The following LDB2 variants were observed in gnomAD, a reference collection of about 807,000 sequenced individuals.
LDB2 encodes LIM domain-binding protein 2.
In LDB2, 12 loss-of-function variants were observed where a neutral mutation model predicts 44.3. The observed-to-expected ratio is 0.27, with a 90% CI of 0.17 to 0.44. The LOEUF is 0.44. Among genes scored for constraint, LDB2 ranks in the 20% least tolerant of loss-of-function variants. LDB2 has a pLI of 1.00. For missense variants in LDB2, 344 were observed against 473.5 expected (o/e 0.73, Z 2.54); for synonymous variants, 164 against 174.8 (o/e 0.94, Z 0.49).
At position 16,703,310 on chromosome 4, in the gene LDB2, A is replaced by G. The variant is rs532591386; in HGVS notation, c.235+55848T>C. 2.6e-5 allele frequency among the ~76,000 whole-genome samples: 4 copies of G among 152,338 alleles called. No homozygotes were observed. The East Asian group carries it at 7.7e-4, about 29-fold the overall frequency. ...AAGGCAGAGAAGAAGCCAGTCGTGGAAGGAGTTGGGGCAGAATGTTCCAGG... is the reference window on the plus strand; with the variant it reads ...AAGGCAGAGAAGAAGCCAGTCGTGGGAGGAGTTGGGGCAGAATGTTCCAGG... On this transcript the variant is annotated intron_variant, in intron 2 of 7. Transcript: ENST00000304523.
intron 1 of LDB2, among the ~76,000 whole-genome samples, chr4:16,882,597 T>C (rs768544425): frequency 6.6e-6 from 1 of 152,166 alleles, no homozygotes; most frequent in Non-Finnish European, 1.5e-5. Context: ...GGAAATACAA[T>C]GGAGTGAATT....
intron 1 of LDB2, among the ~76,000 whole-genome samples, chr4:16,890,841 T>C (rs1723165883): frequency 6.6e-6 from 1 of 152,100 alleles, no homozygotes; most frequent in Non-Finnish European, 1.5e-5. Flanking sequence ...GTAGCTAAAG[T>C]GGTCTGCAAG....
At chr4:16,564,385 A>G (rs1415033062) in intron 5 of LDB2, among the ~76,000 whole-genome samples, 2 of 152,134 alleles carry the variant, frequency 1.3e-5, no homozygotes, top group African/African-American at 4.8e-5. Context: ...ATAACAAACA[A>G]TCAAAAAATA....
At chr4:16,720,515 C>A (rs1402667101) in intron 2 of LDB2, among the ~76,000 whole-genome samples, 1 of 152,122 alleles carries the variant, frequency 6.6e-6, no homozygotes, top group Non-Finnish European at 1.5e-5. Context: ...CTGGTTGAAC[C>A]TTGACTGACA....
At chr4:16,868,453 A>C (rs933774425) in intron 1 of LDB2, among the ~76,000 whole-genome samples, 6 of 152,204 alleles carry the variant, frequency 3.9e-5, no homozygotes, top group Admixed American at 3.3e-4. Flanking sequence ...TCTTAATATC[A>C]GAGAGGTCAG....
At chr4:16,660,320 G>C (rs1172468005) in intron 2 of LDB2, among the ~76,000 whole-genome samples, 1 of 152,152 alleles carries the variant, frequency 6.6e-6, no homozygotes, top group Non-Finnish European at 1.5e-5. Context: ...TGGCCATCAA[G>C]GGGCCTTAGG....
At chr4:16,614,531 T>C (rs1468193970) in intron 2 of LDB2, among the ~76,000 whole-genome samples, 4 of 141,652 alleles carry the variant, frequency 2.8e-5, no homozygotes, top group Non-Finnish European at 6.0e-5. Context: ...CTGACAAAGG[T>C]CTAATATCCA....
chr4:16,886,384 A>C (rs1721699999), intron 1 of LDB2, among the ~76,000 whole-genome samples: 1 of 152,234 alleles, frequency 6.6e-6, no homozygotes, highest in Non-Finnish European at 1.5e-5. Flanking sequence ...AGGACACGGT[A>C]AAATACTCAT....
At chr4:16,539,735 A>G (rs1346589762) in intron 5 of LDB2, among the ~76,000 whole-genome samples, 1 of 152,124 alleles carries the variant, frequency 6.6e-6, no homozygotes, top group Non-Finnish European at 1.5e-5. Flanking sequence ...TCTCTTATCT[A>G]GTAAGACAAA....
intron 2 of LDB2, among the ~76,000 whole-genome samples, chr4:16,716,748 C>A (rs1488046003): frequency 2.6e-5 from 4 of 152,144 alleles, no homozygotes; most frequent in Non-Finnish European, 5.9e-5. Flanking sequence ...TTTCTCAGAA[C>A]ATGGATTGAA....
chr4:16,700,724 C>A (rs1045153822), intron 2 of LDB2, among the ~76,000 whole-genome samples: 3 of 152,174 alleles, frequency 2.0e-5, no homozygotes, highest in Non-Finnish European at 4.4e-5. Flanking sequence ...GAGGTGAGAA[C>A]AAAATCTCAC....
At chr4:16,600,352 T>G (rs1217430560) in intron 2 of LDB2, among the ~76,000 whole-genome samples, 2 of 152,096 alleles carry the variant, frequency 1.3e-5, no homozygotes, top group African/African-American at 2.4e-5. Context: ...TTTGTTGGAG[T>G]GAGATTAAGA....
intron 2 of LDB2, among the ~76,000 whole-genome samples, chr4:16,654,858 GT>G (rs1422676216): frequency 6.6e-6 from 1 of 152,052 alleles, no homozygotes; most frequent in Non-Finnish European, 1.5e-5. Context: ...TTTGATTCAC[GT>G]TAACTTCCCT....
chr4:16,741,179 A>G (rs1763168317), intron 2 of LDB2, among the ~76,000 whole-genome samples: 1 of 152,222 alleles, frequency 6.6e-6, no homozygotes, highest in African/African-American at 2.4e-5. Flanking sequence ...AGATCGTCGC[A>G]TTTTGGAAAA....
intron 1 of LDB2, among the ~76,000 whole-genome samples, chr4:16,799,961 A>G (rs1414150054): frequency 1.3e-5 from 2 of 152,162 alleles, no homozygotes; most frequent in African/African-American, 4.8e-5. Context: ...CATATAGTGT[A>G]AGTTATTTTT....
intron 1 of LDB2, among the ~76,000 whole-genome samples, chr4:16,766,466 ATATGTGTGTGTG>A (rs1380354066): frequency 8.7e-4 from 53 of 61,216 alleles, no homozygotes; most frequent in Admixed American, 4.7e-3. Flanking sequence ...ACACACACAT[ATATGTGTGTGTG>A]TGTGTGTGTG....
rs1428735635 is a variant in LDB2 at position 16,559,596 on chromosome 4, G to C, written c.615+26326C>G. Among the ~76,000 whole-genome samples, 4 of 152,060 alleles carry C rather than the reference G, an allele frequency of 2.6e-5. No individual in the cohort carries two copies. In the South Asian group the frequency reaches 6.2e-4, roughly 24 times the overall value. ...CCTTAGTGACCTACAAAGAGACTTC[G>C]ACTCCCACACAATAATAATGGGAGA... On this transcript the variant is annotated intron_variant, in intron 5 of 7. Coordinates refer to ENST00000304523, the MANE Select transcript of LDB2 (RefSeq NM_001290.5).
intron 5 of LDB2, among the ~76,000 whole-genome samples, chr4:16,543,637 G>T (rs1270326920): frequency 2.6e-5 from 4 of 152,150 alleles, no homozygotes; most frequent in Non-Finnish European, 5.9e-5. Context: ...AGACTTAAAT[G>T]TTAGACCTAA....
intron 2 of LDB2, among the ~76,000 whole-genome samples, chr4:16,756,167 A>C (rs941745703): frequency 3.9e-5 from 6 of 152,170 alleles, no homozygotes; most frequent in Admixed American, 2.0e-4. Flanking sequence ...CAGAACAGCC[A>C]GATGTGGTGG....
Sources: gnomAD v4.1 joint callset for allele counts (sites outside exome capture counted in the v4.1 genomes callset) on GRCh38, gnomAD v4.1.1 for gene constraint, MANE v1.5 for transcripts, NCBI Gene and HGNC (gene_info 2026-07-23, HGNC 2026-07-21) for gene names.